Variants in ARHGEF10 observed in about 807,000 individuals in gnomAD.
ARHGEF10 encodes Rho guanine nucleotide exchange factor 10, also known as Rho guanine nucleotide exchange factor (GEF) 10.
A neutral mutation model predicts 147.4 loss-of-function variants in ARHGEF10; 140 were observed. That is an observed-to-expected ratio of 0.95 (90% confidence interval 0.83 to 1.09). The LOEUF (loss-of-function observed/expected upper bound fraction) is 1.09, where lower values mean the gene tolerates loss of function less well. Ranked by LOEUF, ARHGEF10 falls within the 50% of genes least tolerant of loss-of-function variation. The pLI, the probability that ARHGEF10 is intolerant of heterozygous loss-of-function variation, is 0.00. For synonymous variants in ARHGEF10, 902 were observed against 695.8 expected (o/e 1.30, Z -4.67); for missense variants, 2,222 against 1,752.7 (o/e 1.27, Z -4.78).
chr8:1,873,864 C>CTT (rs67299260), intron 7 of ARHGEF10, among the ~76,000 whole-genome samples: 30 of 146,100 alleles, frequency 2.1e-4, no homozygotes, highest in African/African-American at 3.7e-4. Context: ...CCACTTTTTT[C>CTT]TTTTTTTTTT....
chr8:1,828,209 C>T (rs906660805), intron 1 of ARHGEF10, among the ~76,000 whole-genome samples: 2 of 152,204 alleles, frequency 1.3e-5, no homozygotes, highest in African/African-American at 2.4e-5. Flanking sequence ...GCTGAGATCA[C>T]GTTCTTTGTT....
chr8:1,951,560 G>A (rs774442455), intron 27 of ARHGEF10, among the ~76,000 whole-genome samples: 5 of 152,192 alleles, frequency 3.3e-5, no homozygotes, highest in East Asian at 1.9e-4. Flanking sequence ...CTTTGGCTCT[G>A]GTGTGAGGTT....
chr8:1,879,495 C>T (rs1236114280), intron 8 of ARHGEF10, among the ~76,000 whole-genome samples: 1 of 151,948 alleles, frequency 6.6e-6, no homozygotes, highest in Non-Finnish European at 1.5e-5. Flanking sequence ...AGACCCTAGC[C>T]TGGTGTCTGG....
chr8:1,836,196 A>AAG, intron 1 of ARHGEF10, among the ~76,000 whole-genome samples: 1 of 149,832 alleles, frequency 6.7e-6, no homozygotes, highest in Non-Finnish European at 1.5e-5. Context: ...AAAAAAAAAG[A>AAG]AAAAAAAAAA....
chr8:1,872,542 A>G (rs949796658), intron 7 of ARHGEF10, among the ~76,000 whole-genome samples: 6 of 152,252 alleles, frequency 3.9e-5, no homozygotes, highest in Admixed American at 1.3e-4. Flanking sequence ...TTAACCTTTT[A>G]CATTCATGGC....
chr8:1,854,694 T>C (rs984340831), intron 2 of ARHGEF10, among the ~76,000 whole-genome samples: 1 of 151,910 alleles, frequency 6.6e-6, no homozygotes, highest in Non-Finnish European at 1.5e-5. Context: ...ATAGTAGAAT[T>C]CTACTTAAAT....
At chr8:1,892,827 G>A (rs1166780823) in intron 11 of ARHGEF10, among the ~76,000 whole-genome samples, 2 of 152,172 alleles carry the variant, frequency 1.3e-5, no homozygotes, top group Non-Finnish European at 2.9e-5. Flanking sequence ...TTGGCAAATT[G>A]GAAGTACAAT....
rs1412966010 is a variant in ARHGEF10 at position 1,894,507 on chromosome 8, G to A, written c.1375G>A (p.Ala459Thr). 8 of 1,614,204 alleles carry A rather than the reference G, an allele frequency of 5.0e-6. No homozygotes were observed. Among genetic ancestry groups the A allele is most frequent in the African/African-American group, 1.3e-5 (1 of 75,060 alleles). The change falls in exon 13 of 29, where the codon GCG becomes ACG. Residue 459 changes from alanine to threonine, a missense_variant. Transcript: ENST00000349830. ...GCAGTGCCACTCGCTATTTCAGATC[G>A]CGCTGGCCAGCCGCGTTTCCGAGTG... is the stretch of plus-strand genomic sequence containing the variant. ...ILQCHSLFQI[A>T]LASRVSEWDS...
intron 1 of ARHGEF10, among the ~76,000 whole-genome samples, chr8:1,827,946 G>C (rs1802865874): frequency 2.6e-5 from 4 of 152,184 alleles, no homozygotes; most frequent in African/African-American, 9.7e-5. Context: ...GAGATGCATG[G>C]CTGTCTGCGT....
chr8:1,955,047 TGGGTAGCTAGGTGCTC>T (rs1815385962), intron 28 of ARHGEF10, among the ~76,000 whole-genome samples: 5 of 121,218 alleles, frequency 4.1e-5, no homozygotes, highest in Non-Finnish European at 6.7e-5. Flanking sequence ...TTTTTCTGGA[TGGGTAGCTAGGTGCTC>T]CCTGAAAGGA....
intron 26 of ARHGEF10, among the ~76,000 whole-genome samples, chr8:1,940,894 G>A (rs1395171172): frequency 6.6e-6 from 1 of 152,184 alleles, no homozygotes; most frequent in African/African-American, 2.4e-5. Context: ...CTCAATTGAT[G>A]CACAAAAAGT....
rs536107654 is a variant in ARHGEF10, at chr8:1,867,536, G to C, written c.622+934G>C. Among the ~76,000 whole-genome samples, 9 of 152,162 alleles carry C rather than the reference G, an allele frequency of 5.9e-5. No homozygotes were observed. In the East Asian group the frequency reaches 1.2e-3, roughly 20 times the overall value. The stretch of plus-strand genomic sequence containing the variant: ...GTCCCGTCTCTGTGTGGATTAAAGC[G>C]AGCGCATTTCCAACACGCGGCTCCA... On this transcript the variant is annotated intron_variant, in intron 6 of 28. Coordinates refer to ENST00000349830, the MANE Select transcript of ARHGEF10 (RefSeq NM_014629.4).
chr8:1,874,425 A>G (rs1004613950), intron 7 of ARHGEF10, among the ~76,000 whole-genome samples: 1 of 152,242 alleles, frequency 6.6e-6, no homozygotes, highest in Non-Finnish European at 1.5e-5. Flanking sequence ...ATGCAGCTCC[A>G]GCTCTCAAAG....
chr8:1,904,134 C>T (rs1016262151), intron 16 of ARHGEF10: 9 of 152,502 alleles, frequency 5.9e-5, no homozygotes, highest in Non-Finnish European at 1.0e-4. Flanking sequence ...TTTGTCTTCA[C>T]CTATGCATGG....
At chr8:1,895,855 G>T (rs965609812) in intron 13 of ARHGEF10, among the ~76,000 whole-genome samples, 4 of 152,124 alleles carry the variant, frequency 2.6e-5, no homozygotes, top group Non-Finnish European at 5.9e-5. Flanking sequence ...AAACGAACAC[G>T]TGTAGGGCAT....
intron 28 of ARHGEF10, among the ~76,000 whole-genome samples, chr8:1,956,129 C>A (rs541287802): frequency 1.3e-5 from 2 of 152,328 alleles, no homozygotes; most frequent in African/African-American, 4.8e-5. Context: ...CCACGTGATG[C>A]TTACAGAATC....
chr8:1,909,996 C>G (rs1212230294), intron 18 of ARHGEF10, among the ~76,000 whole-genome samples: 1 of 152,126 alleles, frequency 6.6e-6, no homozygotes, highest in African/African-American at 2.4e-5. Flanking sequence ...TTGGCAATGT[C>G]TTAGCATTGC....
rs765469205 is a variant in ARHGEF10, at chr8:1,922,944, TC to T, written c.2144-19del. On this transcript the variant is annotated intron_variant, in intron 18 of 28. Transcript: ENST00000349830. ...GCTTTACCTTTGTATTCTTTTTTTT[TC>T]TTTTTGCTTATTTTGTAGACAAAGT... is the stretch of plus-strand genomic sequence containing the variant. 2.5e-5 allele frequency: 38 copies of T among 1,541,960 alleles called. No individual in the cohort carries two copies. Among genetic ancestry groups the T allele is most frequent in the Middle Eastern group, 1.7e-4 (1 of 5,862 alleles).
chr8:1,826,397 T>C (rs1346202214), intron 1 of ARHGEF10, among the ~76,000 whole-genome samples: 1 of 130,780 alleles, frequency 7.6e-6, no homozygotes, highest in Non-Finnish European at 1.7e-5. Context: ...TGTGTGCGTG[T>C]GTTTGTGTGT....
Sources: allele counts gnomAD v4.1 joint callset (sites outside exome capture counted in the v4.1 genomes callset), GRCh38; gene constraint gnomAD v4.1.1; transcripts MANE v1.5; gene names NCBI Gene and HGNC (gene_info 2026-07-23, HGNC 2026-07-21).